Variants in ANOS1 observed in about 807,000 individuals in gnomAD.
ANOS1 encodes anosmin-1.
In ANOS1, 6 loss-of-function variants were observed where a neutral mutation model predicts 59.0. The observed-to-expected ratio is 0.10, with a 90% CI of 0.06 to 0.20. The LOEUF (loss-of-function observed/expected upper bound fraction) is 0.20, where lower values mean the gene tolerates loss of function less well. Among genes scored for constraint, ANOS1 ranks in the 10% least tolerant of loss-of-function variants. The pLI is 1.00. For synonymous variants in ANOS1, 217 were observed against 223.4 expected (o/e 0.97, Z 0.25); for missense variants, 433 against 542.3 (o/e 0.80, Z 2.00).
chrX:8,530,733 A>C lies in ANOS1; in HGVS notation c.*2262T>G, dbSNP rs1158440061. 9.1e-6 allele frequency: 1 copy of C among 110,337 alleles called. No individual in the cohort carries two copies. Among genetic ancestry groups the C allele is most frequent in the East Asian group, 2.8e-4 (1 of 3,543 alleles). 9.1% of individuals were successfully genotyped at this position (110,337 alleles called of 1,213,427 possible). ...TAAAATTAAATTTATGTAATAATTT[A>C]ATAATATTTTGTATCTATGCAGAGA... On this transcript the variant is annotated 3_prime_UTR_variant, in exon 14 of 14. Transcript: ENST00000262648.
Position 8,666,164 on chromosome X carries a change from C to G in ANOS1, c.255+33534G>C, listed in dbSNP as rs774556225. 2.7e-5 allele frequency among the ~76,000 whole-genome samples: 3 copies of G among 111,367 alleles called. No homozygotes were observed. The South Asian group carries it at 1.2e-3, about 43-fold the overall frequency. On this transcript the variant is annotated intron_variant, in intron 2 of 13. Coordinates refer to ENST00000262648, the MANE Select transcript of ANOS1 (RefSeq NM_000216.4). ...TGAGCTACAATCACGCCACTGGACT[C>G]TAGCCCAGGTGACAGAGCAACAACC...
In ANOS1 at chrX:8,570,598, C is replaced by T. The variant is rs555915218; in HGVS notation, c.963G>A (p.Pro321=). 95 of 1,208,985 alleles carry T rather than the reference C, an allele frequency of 7.9e-5. No homozygotes were observed. The South Asian group carries it at 1.2e-3, about 15-fold the overall frequency. Residue 321 remains proline, a synonymous_variant, in exon 7 of 14, where the codon CCG becomes CCA. Coordinates refer to ENST00000262648, the MANE Select transcript of ANOS1 (RefSeq NM_000216.4). ...VTIVWDLPEE[P]DIPVHHYKVF... The stretch of plus-strand genomic sequence containing the variant: ...CCTTGTAATGATGCACAGGGATGTC[C>T]GGCTCCTCGGGGAGATCCCAAACTA...
rs895975924 is a variant in ANOS1, at chrX:8,585,531, T to C, written c.727-135A>G. ...TGTCTTCCCCCTGATAAGAGGGGCT[T>C]ATCATGCCCAGTTATGAAGAGAGCT... is the stretch of plus-strand genomic sequence containing the variant. On this transcript the variant is annotated intron_variant, in intron 5 of 13. Transcript: ENST00000262648. The C allele has an allele frequency of 4.5e-6, 3 of 664,793 alleles. No individual in the cohort carries two copies. The African/African-American group carries it at 6.4e-5, about 14-fold the overall frequency. The allele number at this position is 664,793 out of a possible 1,213,427, so 54.8% of individuals were successfully genotyped here. A position where few individuals can be genotyped will look rare whatever the true frequency, so the allele number is the denominator to read the frequency against.
At chrX:8,721,258 C>T (rs991206931) in intron 1 of ANOS1, among the ~76,000 whole-genome samples, 1 of 111,552 alleles carries the variant, frequency 9.0e-6, no homozygotes, top group Non-Finnish European at 1.9e-5. Flanking sequence ...AATATAGGTG[C>T]TGTTTCCCCT....
Position 8,683,366 on chromosome X carries a change from T to A in ANOS1, c.255+16332A>T, listed in dbSNP as rs750381425. Among the ~76,000 whole-genome samples, 493 of 111,060 alleles carry A rather than the reference T, an allele frequency of 4.4e-3. 3 individuals are homozygous for A. The highest frequency in any genetic ancestry group is 7.8e-3 in the Non-Finnish European group (416 of 53,080). On this transcript the variant is annotated intron_variant, in intron 2 of 13. Transcript: ENST00000262648. ...TACAGGTTTGGGGAGCACTAGTAAG[T>A]AACTCGGCCCAGGTGATGGAGCTAG...
chrX:8,668,617 C>T (rs1932204093), intron 2 of ANOS1, among the ~76,000 whole-genome samples: 1 of 104,649 alleles, frequency 9.6e-6, no homozygotes, highest in Non-Finnish European at 1.9e-5. Context: ...ATTTCTTTAT[C>T]CACTCATTGA....
chrX:8,667,729 G>C (rs1380085957), intron 2 of ANOS1, among the ~76,000 whole-genome samples: 1 of 111,195 alleles, frequency 9.0e-6, no homozygotes, highest in Non-Finnish European at 1.9e-5. Flanking sequence ...AGGTAAGGTA[G>C]AGTAAGGTAA....
At chrX:8,639,415 T>C (rs1394112404) in intron 2 of ANOS1, among the ~76,000 whole-genome samples, 1 of 111,955 alleles carries the variant, frequency 8.9e-6, no homozygotes, top group Non-Finnish European at 1.9e-5. Flanking sequence ...CTCATTCAGA[T>C]TGTTATACAT....
chrX:8,576,978 CA>C (rs200701412), intron 6 of ANOS1, among the ~76,000 whole-genome samples: 2,976 of 111,420 alleles, frequency 0.027, 99 homozygotes, highest in African/African-American at 0.091. Context: ...TACAATCACT[CA>C]ACTCTGCCCT....
intron 2 of ANOS1, 107 bp downstream of exon 2, chrX:8,699,591 T>G: frequency 1.9e-6 from 1 of 533,481 alleles, no homozygotes. Flanking sequence ...TGGTGGAAAC[T>G]GGGCATATAT....
intron 4 of ANOS1, among the ~76,000 whole-genome samples, chrX:8,591,526 C>T (rs1278800426): frequency 4.5e-5 from 5 of 112,064 alleles, no homozygotes; most frequent in Non-Finnish European, 7.5e-5. Context: ...TCTTGAATAG[C>T]ATTCAAGGAC....
chrX:8,586,686 G>C (rs902291883), intron 5 of ANOS1, among the ~76,000 whole-genome samples: 1 of 111,042 alleles, frequency 9.0e-6, no homozygotes, highest in Admixed American at 9.6e-5. Flanking sequence ...AAATCAAATG[G>C]AATTTCAGGC....
intron 2 of ANOS1, among the ~76,000 whole-genome samples, chrX:8,661,163 G>A (rs1024004876): frequency 3.7e-5 from 4 of 108,533 alleles, no homozygotes; most frequent in African/African-American, 1.4e-4. Context: ...GACCCTCTGT[G>A]TGTGTCTATG....
chrX:8,702,996 G>T (rs1298132090), intron 1 of ANOS1, among the ~76,000 whole-genome samples: 1 of 112,250 alleles, frequency 8.9e-6, no homozygotes, highest in Non-Finnish European at 1.9e-5. Flanking sequence ...TTCCCTTCTG[G>T]ATGTTTCTTT....
chrX:8,715,875 G>A (rs1932839217), intron 1 of ANOS1, among the ~76,000 whole-genome samples: 1 of 109,592 alleles, frequency 9.1e-6, no homozygotes, highest in South Asian at 4.0e-4. Flanking sequence ...GGGGCTACAG[G>A]CATGCACCAC....
At chrX:8,656,699 C>G (rs1931936409) in intron 2 of ANOS1, among the ~76,000 whole-genome samples, 1 of 111,620 alleles carries the variant, frequency 9.0e-6, no homozygotes, top group South Asian at 3.7e-4. Context: ...CCCTGTTCTG[C>G]AAAGTCCAGG....
chrX:8,619,432 C>T (rs930113495), intron 3 of ANOS1, among the ~76,000 whole-genome samples: 15 of 110,560 alleles, frequency 1.4e-4, no homozygotes, highest in East Asian at 5.7e-4. Flanking sequence ...GGTGAAACCC[C>T]GTCTCTACTA....
In ANOS1 at chrX:8,662,078, T is replaced by C. The variant is rs1461863885; in HGVS notation, c.255+37620A>G. Among the ~76,000 whole-genome samples the C allele has an allele frequency of 6.3e-5, 7 of 111,668 alleles. No homozygotes were observed. In the East Asian group the frequency reaches 1.7e-3, roughly 27 times the overall value. On this transcript the variant is annotated intron_variant, in intron 2 of 13. Coordinates refer to ENST00000262648, the MANE Select transcript of ANOS1 (RefSeq NM_000216.4). ...ATGAACCTCGTTTCTTGGTATCTTT[T>C]GATTACACTCAGGCCTGAGGCATCT...
chrX:8,594,687 T>TATATATACAC (rs1930692181), intron 4 of ANOS1, among the ~76,000 whole-genome samples: 2 of 42,425 alleles, frequency 4.7e-5, no homozygotes, highest in African/African-American at 2.2e-4. Flanking sequence ...TATATATATA[T>TATATATACAC]ATATATATAT....
Sources: gnomAD v4.1 joint callset for allele counts (sites outside exome capture counted in the v4.1 genomes callset) on GRCh38, gnomAD v4.1.1 for gene constraint, MANE v1.5 for transcripts, NCBI Gene and HGNC (gene_info 2026-07-23, HGNC 2026-07-21) for gene names.